Variants in ERCC6L2 observed in about 807,000 individuals in gnomAD.
ERCC6L2 encodes the protein DNA excision repair protein ERCC-6-like 2.
In ERCC6L2, 77 loss-of-function variants were observed where a neutral mutation model predicts 132.0. The observed-to-expected ratio is 0.58, with a 90% CI of 0.49 to 0.71. ERCC6L2 has a LOEUF of 0.71. ERCC6L2 is among the 30% of genes least tolerant of loss of function. The probability of loss-of-function intolerance (pLI) is 0.00; values close to 1 mark genes in which losing one functional copy is unlikely to be tolerated. For synonymous variants in ERCC6L2, 583 were observed against 632.4 expected (o/e 0.92, Z 1.17); for missense variants, 1,542 against 1,837.6 (o/e 0.84, Z 2.94).
In ERCC6L2 at chr9:95,932,310, T is replaced by TA. The variant is rs1336029930; in HGVS notation, c.1751+3446_1751+3447insA. Reference sequence around the variant, plus strand: ...TGAACTCCTGACCTCGTGATCTACCTGCCTCGCCCTCCCACAGTGCTGGGA... The same window carrying TA: ...TGAACTCCTGACCTCGTGATCTACCTAGCCTCGCCCTCCCACAGTGCTGGGA... On this transcript the variant is annotated intron_variant, in intron 11 of 18. Coordinates refer to ENST00000653738, the MANE Select transcript of ERCC6L2 (RefSeq NM_020207.7). Among the ~76,000 whole-genome samples the TA allele has an allele frequency of 5.3e-5, 8 of 152,240 alleles. No individual in the cohort carries two copies. The East Asian group carries it at 1.4e-3, about 26-fold the overall frequency.
Position 95,922,377 on chromosome 9 carries a change from C to A in ERCC6L2, c.1372C>A (p.His458Asn). 1 of 1,613,386 alleles carries A rather than the reference C, an allele frequency of 6.2e-7. No individual in the cohort carries two copies. Among genetic ancestry groups the A allele is most frequent in the Non-Finnish European group, 8.5e-7 (1 of 1,179,484 alleles). ...TACAGTCCTTCAGAAGGTAGCTAACCATGTCGCGCTACTGCAAGCTGCTAG... is the reference window on the plus strand; with the variant it reads ...TACAGTCCTTCAGAAGGTAGCTAACAATGTCGCGCTACTGCAAGCTGCTAG... ...YLTVLQKVAN[H>N]VALLQAASTS... Residue 458 changes from histidine (H) to asparagine (N), a missense_variant, in exon 8 of 19, where the codon CAT becomes AAT. His to Asn is a moderately conservative substitution (Grantham distance 68). Around this residue, in one of 4 missense-constraint regions of ERCC6L2, gnomAD observed 945 missense variants for 1,105.2 expected, o/e 0.86. Coordinates refer to ENST00000653738, the MANE Select transcript of ERCC6L2 (RefSeq NM_020207.7).
rs145945453 is a variant in ERCC6L2, at chr9:95,999,082, C to T, written c.3493-5438C>T. Among the ~76,000 whole-genome samples the T allele has an allele frequency of 5.3e-4, 81 of 152,236 alleles. No homozygotes were observed. In the South Asian group the frequency reaches 0.011, roughly 21 times the overall value. ...GTTAAATAAGAATGATTTTCCTGGC[C>T]GGGCGTGGTGGCTCACTCCTGTAAT... On this transcript the variant is annotated intron_variant, in intron 17 of 18. Transcript: ENST00000653738.
chr9:95,961,245 C>T (rs1322888967), intron 13 of ERCC6L2, among the ~76,000 whole-genome samples: 1 of 152,012 alleles, frequency 6.6e-6, no homozygotes, highest in African/African-American at 2.4e-5. Context: ...GTCCCTAATC[C>T]ATTGACTGAT....
intron 1 of ERCC6L2, 29 bp downstream of exon 1, chr9:95,876,113 A>C (rs371959202): frequency 1.3e-6 from 2 of 1,552,500 alleles, no homozygotes; most frequent in Non-Finnish European, 1.7e-6. Flanking sequence ...CCCCTTACGC[A>C]GAGGCCTGTG....
At chr9:96,007,946 A>G (rs1394627308) in intron 18 of ERCC6L2, among the ~76,000 whole-genome samples, 1 of 152,134 alleles carries the variant, frequency 6.6e-6, no homozygotes, top group Non-Finnish European at 1.5e-5. Context: ...TGCCCAGGGA[A>G]GAGCTGGCCC....
chr9:95,964,839 G>A (rs1238146833), intron 13 of ERCC6L2, among the ~76,000 whole-genome samples: 1 of 152,050 alleles, frequency 6.6e-6, no homozygotes, highest in Non-Finnish European at 1.5e-5. Context: ...CACTTTTACT[G>A]GAGCCACTTT....
intron 18 of ERCC6L2, 38 bp from the exon 19 acceptor site, chr9:96,012,187 A>G: frequency 1.7e-6 from 2 of 1,170,486 alleles, no homozygotes; most frequent in Non-Finnish European, 2.2e-6. Context: ...ATAAAATGTA[A>G]TGAAAATAAC....
chr9:95,972,390 A>G lies in ERCC6L2; in HGVS notation c.2639A>G (p.Glu880Gly). The change falls in exon 16 of 19, where the codon GAG (glutamate) becomes GGG (glycine). Residue 880 changes from glutamate to glycine, a missense_variant. Physicochemically the swap from Glu to Gly is moderately conservative, Grantham distance 98. Transcript: ENST00000653738. ...LEQNISSKSD[E>G]KKIKNTDKHC... is the part of the protein sequence containing the mutation. ...CAGAATATTTCTTCCAAGTCTGACG[A>G]GAAAAAAATTAAAAATACAGATAAA... 1 of 1,270,998 alleles carries G rather than the reference A, an allele frequency of 7.9e-7. No homozygotes were observed. The highest frequency in any genetic ancestry group is 1.0e-6 in the Non-Finnish European group (1 of 982,814). The allele number at this position is 1,270,998 out of a possible 1,614,324, so 78.7% of individuals were successfully genotyped here.
At chr9:95,918,193 G>T in intron 6 of ERCC6L2, 1 of 477,814 alleles carries the variant, frequency 2.1e-6, no homozygotes. Flanking sequence ...AATGGAGGCA[G>T]TCAGCCCTGT....
chr9:95,886,299 G>A (rs935298629), intron 2 of ERCC6L2, among the ~76,000 whole-genome samples: 16 of 152,072 alleles, frequency 1.1e-4, no homozygotes, highest in Admixed American at 4.6e-4. Flanking sequence ...TTACAGGCAG[G>A]AACTACTGTG....
rs750006704 is a variant in ERCC6L2, at chr9:95,966,725, C to T, written c.2100+11C>T. 7.2e-7 allele frequency: 1 copy of T among 1,398,124 alleles called. No individual in the cohort carries two copies. Among genetic ancestry groups the T allele is most frequent in the Non-Finnish European group, 9.4e-7 (1 of 1,060,098 alleles). 86.6% of individuals were successfully genotyped at this position (1,398,124 alleles called of 1,614,324 possible). A position where few individuals can be genotyped will look rare whatever the true frequency, so the allele number is the denominator to read the frequency against. ...AAGGACATCCTGGAGGTGTGAACTT[C>T]TTCTCTGACCTTTTCAATAATATTT... On this transcript the variant is annotated intron_variant, in intron 14 of 18. Coordinates refer to ENST00000653738, the MANE Select transcript of ERCC6L2 (RefSeq NM_020207.7).
At position 95,880,323 on chromosome 9, in the gene ERCC6L2, GT is replaced by G. The variant is rs1239665575; in HGVS notation, c.47-545del. Reference sequence around the variant, plus strand: ...TCTAGAGAAAGGCAATGGAATAACTGTAAAAAAGACAGATGAACCACAAAGC... The same window carrying G: ...TCTAGAGAAAGGCAATGGAATAACTGAAAAAAGACAGATGAACCACAAAGC... On this transcript the variant is annotated intron_variant, in intron 1 of 18. Coordinates refer to ENST00000653738, the MANE Select transcript of ERCC6L2 (RefSeq NM_020207.7). Among the ~76,000 whole-genome samples the G allele has an allele frequency of 5.3e-5, 8 of 152,272 alleles. No homozygotes were observed. The East Asian group carries it at 1.3e-3, about 26-fold the overall frequency.
chr9:95,890,036 C>T (rs1438862977), intron 2 of ERCC6L2, among the ~76,000 whole-genome samples: 1 of 152,010 alleles, frequency 6.6e-6, no homozygotes, highest in Non-Finnish European at 1.5e-5. Flanking sequence ...GTTCATTTGT[C>T]CACTTTTTTC....
intron 17 of ERCC6L2, among the ~76,000 whole-genome samples, chr9:95,992,608 A>G (rs1004124423): frequency 3.3e-5 from 5 of 152,256 alleles, no homozygotes; most frequent in African/African-American, 4.8e-5. Flanking sequence ...ATAATAAATA[A>G]TTACATCAAA....
At chr9:95,989,048 T>A (rs1833198438) in intron 17 of ERCC6L2, among the ~76,000 whole-genome samples, 1 of 152,140 alleles carries the variant, frequency 6.6e-6, no homozygotes, top group Admixed American at 6.5e-5. Context: ...GGGTAAGGTA[T>A]GGGGGAAGAG....
In ERCC6L2 at chr9:95,955,915, G is replaced by A. The variant is rs1437502556; in HGVS notation, c.1849G>A (p.Ala617Thr). Reference sequence around the variant, plus strand: ...TTTGTATTTTTAATCCTTTTACAGAGCATATAGGATTGGACAATGTAGAGA... The same window carrying A: ...TTTGTATTTTTAATCCTTTTACAGAACATATAGGATTGGACAATGTAGAGA... Reference protein sequence around the residue: ...PANDLQAIDRAYRIGQCRDVK... With the variant: ...PANDLQAIDRTYRIGQCRDVK... Residue 617 changes from alanine (A) to threonine (T), a missense_variant and splice_region_variant, in exon 13 of 19, where the codon GCA becomes ACA. Physicochemically the swap from Ala to Thr is moderately conservative, Grantham distance 58. Coordinates refer to ENST00000653738, the MANE Select transcript of ERCC6L2 (RefSeq NM_020207.7). 3.2e-6 allele frequency: 5 copies of A among 1,576,484 alleles called. No individual in the cohort carries two copies. The highest frequency in any genetic ancestry group is 4.3e-6 in the Non-Finnish European group (5 of 1,159,174).
intron 12 of ERCC6L2, among the ~76,000 whole-genome samples, chr9:95,953,252 G>A (rs986950103): frequency 6.6e-6 from 1 of 152,094 alleles, no homozygotes; most frequent in Non-Finnish European, 1.5e-5. Flanking sequence ...CACAATAAGA[G>A]GAAATCAAGA....
rs2133079746 is a variant in ERCC6L2 at position 95,972,304 on chromosome 9, A to G, written c.2553A>G (p.Leu851=). ...DSLGTSKHQK[L]DNILNPKEKH... ...TTGGTACTTCAAAACATCAGAAATTAGATAACATCCTAAATCCAAAAGAAA... is the reference window on the plus strand; with the variant it reads ...TTGGTACTTCAAAACATCAGAAATTGGATAACATCCTAAATCCAAAAGAAA... The change falls in exon 16 of 19, where the codon TTA becomes TTG. Residue 851 remains leucine (L), a synonymous_variant. Coordinates refer to ENST00000653738, the MANE Select transcript of ERCC6L2 (RefSeq NM_020207.7). 4 of 1,296,490 alleles carry G rather than the reference A, an allele frequency of 3.1e-6. No individual in the cohort carries two copies. The highest frequency in any genetic ancestry group is 3.1e-5 in the African/African-American group (2 of 65,386). 80.3% of individuals were successfully genotyped at this position (1,296,490 alleles called of 1,614,324 possible).
chr9:96,006,506 C>T (rs943509113), intron 18 of ERCC6L2, among the ~76,000 whole-genome samples: 11 of 152,218 alleles, frequency 7.2e-5, no homozygotes, highest in African/African-American at 2.4e-4. Context: ...CGCGCCCTGG[C>T]GGGAGGTGGC....
Sources: gnomAD v4.1 joint callset for allele counts (sites outside exome capture counted in the v4.1 genomes callset) on GRCh38, gnomAD v4.1.1 for gene constraint, gnomAD v4.1.1 regional missense constraint, MANE v1.5 for transcripts, NCBI Gene and HGNC (gene_info 2026-07-23, HGNC 2026-07-21) for gene names.